The following MTUS2 variants were observed in gnomAD, a reference collection of about 807,000 sequenced individuals.
The protein encoded by MTUS2 is microtubule-associated tumor suppressor candidate 2.
A neutral mutation model predicts 114.1 loss-of-function variants in MTUS2; 40 were observed. The observed-to-expected ratio is 0.35, with a 90% CI of 0.27 to 0.46. MTUS2 has a LOEUF of 0.46. MTUS2 is among the 20% of genes least tolerant of loss of function. MTUS2 has a pLI of 1.00. For synonymous variants in MTUS2, 688 were observed against 672.0 expected (o/e 1.02, Z -0.37); for missense variants, 1,679 against 1,705.4 (o/e 0.98, Z 0.27).
chr13:29,008,292 C>G (rs1451516362), intron 2 of MTUS2, among the ~76,000 whole-genome samples: 2 of 152,198 alleles, frequency 1.3e-5, no homozygotes, highest in African/African-American at 2.4e-5. Context: ...GAAACATCCT[C>G]TCTGTCACTC....
At chr13:29,210,941 G>T (rs184680505) in intron 5 of MTUS2, among the ~76,000 whole-genome samples, 3 of 152,160 alleles carry the variant, frequency 2.0e-5, no homozygotes, top group Non-Finnish European at 4.4e-5. Flanking sequence ...AGTCTCAGCC[G>T]CAGTAGTGTA....
At chr13:29,498,012 C>T (rs933742720) in intron 13 of MTUS2, among the ~76,000 whole-genome samples, 21 of 152,164 alleles carry the variant, frequency 1.4e-4, no homozygotes, top group African/African-American at 4.8e-4. Flanking sequence ...TATGCCTGAG[C>T]TTTTTATGGG....
At chr13:29,419,493 G>T (rs925405459) in intron 8 of MTUS2, among the ~76,000 whole-genome samples, 9 of 152,182 alleles carry the variant, frequency 5.9e-5, no homozygotes, top group African/African-American at 2.2e-4. Context: ...CAGGGCTGAG[G>T]AGACCTCTTC....
intron 2 of MTUS2, among the ~76,000 whole-genome samples, chr13:29,014,841 C>T (rs9551588): frequency 0.035 from 5,346 of 152,318 alleles, 143 homozygotes; most frequent in East Asian, 0.11. Flanking sequence ...CTCGCTGCCA[C>T]GTACAGGGAG....
intron 14 of MTUS2, among the ~76,000 whole-genome samples, chr13:29,499,640 A>G (rs1882761021): frequency 6.6e-6 from 1 of 152,230 alleles, no homozygotes; most frequent in Non-Finnish European, 1.5e-5. Context: ...CATGGCCAAC[A>G]TATTATACTG....
At chr13:29,031,878 G>T (rs1886847337) in intron 3 of MTUS2, among the ~76,000 whole-genome samples, 1 of 151,958 alleles carries the variant, frequency 6.6e-6, no homozygotes. Flanking sequence ...CTATCCCATT[G>T]AGGACAGTGC....
intron 5 of MTUS2, among the ~76,000 whole-genome samples, chr13:29,180,843 T>C (rs1052663733): frequency 1.3e-5 from 2 of 152,184 alleles, no homozygotes; most frequent in Non-Finnish European, 2.9e-5. Flanking sequence ...AGCACACTCA[T>C]GCCCCGTCTT....
At chr13:28,904,694 T>A (rs1257132850) in intron 2 of MTUS2, among the ~76,000 whole-genome samples, 1 of 152,174 alleles carries the variant, frequency 6.6e-6, no homozygotes, top group Non-Finnish European at 1.5e-5. Context: ...GCGTGATGCC[T>A]CCAGCTTTGT....
At chr13:29,424,030 A>T (rs1566192344) in intron 8 of MTUS2, among the ~76,000 whole-genome samples, 1 of 53,830 alleles carries the variant, frequency 1.9e-5, no homozygotes, top group Non-Finnish European at 4.3e-5. Context: ...ATGCCTGGCT[A>T]ATTTTTTTTT....
chr13:29,050,768 C>G (rs1448596777), intron 4 of MTUS2, among the ~76,000 whole-genome samples: 1 of 152,198 alleles, frequency 6.6e-6, no homozygotes, highest in African/African-American at 2.4e-5. Flanking sequence ...CCACTGGACT[C>G]TCAGCTCATC....
chr13:29,311,827 G>A (rs1444271902), intron 6 of MTUS2, among the ~76,000 whole-genome samples: 1 of 152,184 alleles, frequency 6.6e-6, no homozygotes, highest in African/African-American at 2.4e-5. Flanking sequence ...ATCAAAGGTA[G>A]TCTTATTTAG....
At chr13:29,196,325 T>A (rs1270089462) in intron 5 of MTUS2, among the ~76,000 whole-genome samples, 1 of 152,098 alleles carries the variant, frequency 6.6e-6, no homozygotes, top group Non-Finnish European at 1.5e-5. Context: ...CTCGAACTCC[T>A]GACCTCAGGG....
At chr13:29,165,831 TA>T (rs1893294191) in intron 5 of MTUS2, among the ~76,000 whole-genome samples, 1 of 152,162 alleles carries the variant, frequency 6.6e-6, no homozygotes, top group South Asian at 2.1e-4. Flanking sequence ...GGGGAATAAT[TA>T]AATGCCATGA....
intron 2 of MTUS2, among the ~76,000 whole-genome samples, chr13:28,909,096 TGTA>T (rs1003228209): frequency 5.3e-5 from 8 of 151,588 alleles, no homozygotes; most frequent in Non-Finnish European, 1.2e-4. Context: ...ACTGTAGCCT[TGTA>T]GTATAGTTTG....
chr13:28,968,407 A>G lies in MTUS2; in HGVS notation c.-242-56050A>G, dbSNP rs181001417. Reference sequence around the variant, plus strand: ...CAATGGCAAAATTTTTAAAAAGTGTAGTTATGATTTTTATATCAGTGAATA... The same window carrying G: ...CAATGGCAAAATTTTTAAAAAGTGTGGTTATGATTTTTATATCAGTGAATA... On this transcript the variant is annotated intron_variant, in intron 2 of 15. Transcript: ENST00000612955. 3.6e-3 allele frequency among the ~76,000 whole-genome samples: 554 copies of G among 152,310 alleles called. 3 individuals carry two copies. Among genetic ancestry groups the G allele is most frequent in the African/African-American group, 0.013 (533 of 41,568 alleles).
At chr13:29,031,367 A>G (rs1427194643) in intron 3 of MTUS2, among the ~76,000 whole-genome samples, 1 of 152,018 alleles carries the variant, frequency 6.6e-6, no homozygotes, top group Non-Finnish European at 1.5e-5. Flanking sequence ...GTAGAGACAG[A>G]TATAGATGTA....
At chr13:29,320,412 C>A (rs1342086961) in intron 6 of MTUS2, among the ~76,000 whole-genome samples, 1 of 152,232 alleles carries the variant, frequency 6.6e-6, no homozygotes, top group African/African-American at 2.4e-5. Flanking sequence ...TTGTCTGAAA[C>A]TGCTAAGTGA....
At chr13:29,398,299 A>T (rs1181060820) in intron 8 of MTUS2, among the ~76,000 whole-genome samples, 1 of 151,978 alleles carries the variant, frequency 6.6e-6, no homozygotes, top group African/African-American at 2.4e-5. Context: ...CGTCTCTAGT[A>T]AAAATGCAAA....
At chr13:29,195,463 G>T (rs1196498330) in intron 5 of MTUS2, among the ~76,000 whole-genome samples, 2 of 136,628 alleles carry the variant, frequency 1.5e-5, no homozygotes, top group Non-Finnish European at 3.1e-5. Context: ...AGACTAGTTT[G>T]AAATTTAACA....
Sources: gnomAD v4.1 joint callset for allele counts (sites outside exome capture counted in the v4.1 genomes callset) on GRCh38, gnomAD v4.1.1 for gene constraint, MANE v1.5 for transcripts, NCBI Gene and HGNC (gene_info 2026-07-23, HGNC 2026-07-21) for gene names.